Variants in NFRKB observed in about 807,000 individuals in gnomAD.
NFRKB encodes nuclear factor related to kappa-B-binding protein.
Under a neutral mutation model 135.7 loss-of-function variants are expected in NFRKB, and 62 were observed. That is an observed-to-expected ratio of 0.46 (90% CI 0.37 to 0.56). The LOEUF (loss-of-function observed/expected upper bound fraction) is 0.56, where lower values mean the gene tolerates loss of function less well. Among genes scored for constraint, NFRKB ranks in the 20% least tolerant of loss-of-function variants. The pLI is 0.00. For synonymous variants in NFRKB, 678 were observed against 635.6 expected (o/e 1.07, Z -1.00); for missense variants, 1,545 against 1,662.0 (o/e 0.93, Z 1.22).
At chr11:129,875,652 C>CTTTTT (rs761583169) in intron 17 of NFRKB, among the ~76,000 whole-genome samples, 189 bp from the exon 18 acceptor site, 26 of 101,798 alleles carry the variant, frequency 2.6e-4, no homozygotes, top group Non-Finnish European at 3.4e-4. Flanking sequence ...CTATACACTT[C>CTTTTT]TTTTTTTTTT....
chr11:129,888,430 T>C (rs1452180213), intron 4 of NFRKB, 164 bp downstream of exon 4: 1 of 761,254 alleles, frequency 1.3e-6, no homozygotes, highest in Non-Finnish European at 2.3e-6. Context: ...TTTTGTTTTT[T>C]AGAACACAGC....
At chr11:129,885,388 G>C in intron 6 of NFRKB, 47 bp downstream of exon 6, 1 of 1,558,372 alleles carries the variant, frequency 6.4e-7, no homozygotes, top group Non-Finnish European at 8.7e-7. Context: ...CAAGTGGCCG[G>C]TATCCATCCA....
chr11:129,875,323 G>T, intron 18 of NFRKB, 34 bp downstream of exon 18: 1 of 1,524,382 alleles, frequency 6.6e-7, no homozygotes, highest in Non-Finnish European at 9.0e-7. Context: ...ATCCATTCTG[G>T]AACAAAGCAA....
chr11:129,868,132 T>C (rs921654899), intron 24 of NFRKB, among the ~76,000 whole-genome samples: 23 of 152,166 alleles, frequency 1.5e-4, no homozygotes, highest in African/African-American at 4.8e-4. Flanking sequence ...TAAAGATCTG[T>C]AGAGCAAAAG....
chr11:129,884,604 T>C (rs1949184148), intron 7 of NFRKB, 141 bp downstream of exon 7: 1 of 957,064 alleles, frequency 1.0e-6, no homozygotes, highest in African/African-American at 1.6e-5. Flanking sequence ...TACAAAAACT[T>C]TGCCAAACAA....
In NFRKB at chr11:129,873,827, G is replaced by A. The variant is rs201467366; in HGVS notation, c.2468C>T (p.Pro823Leu). The A allele has an allele frequency of 3.7e-5, 59 of 1,614,148 alleles. No individual in the cohort carries two copies. The highest frequency in any genetic ancestry group is 2.5e-4 in the African/African-American group (19 of 75,052). ...TGGCATCTGTGGCAATGTCTGTGCCGGCCCTCCCGACTGCTGGGGAACAGC... is the reference window on the plus strand; with the variant it reads ...TGGCATCTGTGGCAATGTCTGTGCCAGCCCTCCCGACTGCTGGGGAACAGC... The part of the protein sequence containing the change: ...LPAVPQQSGG[P>L]AQTLPQMPAG... The change falls in exon 22 of 27, where the codon CCG (proline) becomes CTG (leucine). Residue 823 changes from proline to leucine, a missense_variant. Pro to Leu is a moderately conservative substitution (Grantham distance 98). Around this residue, in one of 3 missense-constraint regions of NFRKB, gnomAD observed 753 missense variants for 804.3 expected, o/e 0.94. Coordinates refer to ENST00000682444, the MANE Select transcript of NFRKB (RefSeq NM_001143835.2).
intron 13 of NFRKB, among the ~76,000 whole-genome samples, chr11:129,880,059 C>T (rs1317314355): frequency 2.6e-5 from 4 of 152,022 alleles, no homozygotes; most frequent in African/African-American, 9.7e-5. Context: ...TGGTTGCGTA[C>T]GCCTGTGGTC....
intron 9 of NFRKB, 86 bp from the exon 10 acceptor site, chr11:129,882,717 G>A: frequency 7.4e-7 from 1 of 1,348,904 alleles, no homozygotes; most frequent in Non-Finnish European, 1.0e-6. Flanking sequence ...CTTTTCCCAA[G>A]GCCCACCAAA....
At chr11:129,893,387 T>TAAAAAA in intron 2 of NFRKB, 1 of 5,332 alleles carries the variant, frequency 1.9e-4, no homozygotes, top group Non-Finnish European at 2.9e-4. Flanking sequence ...ACCCCTTCTC[T>TAAAAAA]ACAAAAAAAA....
At position 129,886,459 on chromosome 11, in the gene NFRKB, G is replaced by C; in HGVS notation, c.338-15C>G. 1 of 1,610,712 alleles carries C rather than the reference G, an allele frequency of 6.2e-7. No homozygotes were observed. Among genetic ancestry groups the C allele is most frequent in the Non-Finnish European group, 8.5e-7 (1 of 1,177,996 alleles). ...AAAGTGTCCGTCTTAAAAAAATAAA[G>C]GTATATATATTTACATCAATCAACA... On this transcript the variant is annotated splice_polypyrimidine_tract_variant and intron_variant, in intron 4 of 26. Transcript: ENST00000682444.
chr11:129,884,287 C>T (rs746156868), intron 7 of NFRKB, 144 bp from the exon 8 acceptor site: 36 of 800,172 alleles, frequency 4.5e-5, no homozygotes, highest in Admixed American at 8.2e-5. Flanking sequence ...GTCACAGGAT[C>T]GACACTTCCA....
Position 129,869,804 on chromosome 11 carries a change from T to C in NFRKB, c.3221A>G (p.Lys1074Arg), listed in dbSNP as rs968284449. The change falls in exon 24 of 27, where the codon AAA becomes AGA. Residue 1074 changes from lysine to arginine, a missense_variant. This residue lies in a region of NFRKB where 753 missense variants were observed against 804.3 expected (regional missense o/e 0.94). Transcript: ENST00000682444. ...LGVSVADQKG[K>R]STVASSEAKP... ...TGCTTCTGAAGAGGCCACTGTGCTT[T>C]TTCCCTTCTGGTCAGCCACACTCAC... is the stretch of plus-strand genomic sequence containing the variant. 3 of 1,614,118 alleles carry C rather than the reference T, an allele frequency of 1.9e-6. No individual in the cohort carries two copies. In the African/African-American group the frequency reaches 4.0e-5, roughly 22 times the overall value.
chr11:129,888,293 GA>G, intron 4 of NFRKB: 1 of 594,738 alleles, frequency 1.7e-6, no homozygotes, highest in Non-Finnish European at 3.0e-6. Flanking sequence ...ATTTTTTAAA[GA>G]CCAGACATGA....
intron 24 of NFRKB, among the ~76,000 whole-genome samples, chr11:129,867,080 T>C (rs1345752836): frequency 6.6e-6 from 1 of 152,180 alleles, no homozygotes; most frequent in Non-Finnish European, 1.5e-5. Context: ...GTACACTGCC[T>C]AGAATGATCC....
rs560621182 is a variant in NFRKB, at chr11:129,877,243, T to A, written c.1572+82A>T. Reference sequence around the variant, plus strand: ...AAGGTATGAGTTTCTTGCAAGAAGGTAGATGCAGGAGAGTCAGGCTCAGAG... The same window carrying A: ...AAGGTATGAGTTTCTTGCAAGAAGGAAGATGCAGGAGAGTCAGGCTCAGAG... On this transcript the variant is annotated intron_variant, in intron 16 of 26. Transcript: ENST00000682444. 48 of 1,345,128 alleles carry A rather than the reference T, an allele frequency of 3.6e-5. No homozygotes were observed. The African/African-American group carries it at 6.2e-4, about 17-fold the overall frequency. 83.3% of individuals were successfully genotyped at this position (1,345,128 alleles called of 1,614,324 possible).
Position 129,864,638 on chromosome 11 carries a change from CT to C in NFRKB, c.*86del. 1 of 1,586,280 alleles carries C rather than the reference CT, an allele frequency of 6.3e-7. No individual in the cohort carries two copies. Among genetic ancestry groups the C allele is most frequent in the Admixed American group, 1.7e-5 (1 of 59,300 alleles). ...CGCCTGGCTGCCTTGAACAGGCAAG[CT>C]TAAAACAATGATGCAACCTCCCTGG... On this transcript the variant is annotated 3_prime_UTR_variant, in exon 27 of 27. Transcript: ENST00000682444.
intron 17 of NFRKB, 34 bp from the exon 18 acceptor site, chr11:129,875,497 C>T: frequency 5.9e-6 from 9 of 1,535,892 alleles, no homozygotes; most frequent in Non-Finnish European, 8.0e-6. Context: ...GTCCACAAGT[C>T]AGGCAGGGTT....
At chr11:129,870,928 T>C (rs1591481618) in intron 23 of NFRKB, among the ~76,000 whole-genome samples, 1 of 152,080 alleles carries the variant, frequency 6.6e-6, no homozygotes, top group South Asian at 2.1e-4. Flanking sequence ...CTCCACCTAC[T>C]CCACTCCACA....
Position 129,869,085 on chromosome 11 carries a change from A to T in NFRKB, c.3531+409T>A, listed in dbSNP as rs544851387. 2.6e-5 allele frequency among the ~76,000 whole-genome samples: 4 copies of T among 152,322 alleles called. No homozygotes were observed. The East Asian group carries it at 7.7e-4, about 29-fold the overall frequency. ...AAAGTCTCTCATGGGTGTTTTTTAA[A>T]CTACGTGTACATGTATGAAAATGCT... On this transcript the variant is annotated intron_variant, in intron 24 of 26. Coordinates refer to ENST00000682444, the MANE Select transcript of NFRKB (RefSeq NM_001143835.2).
Sources: allele counts gnomAD v4.1 joint callset (sites outside exome capture counted in the v4.1 genomes callset), GRCh38; gene constraint gnomAD v4.1.1; regional missense constraint gnomAD v4.1.1; transcripts MANE v1.5; gene names NCBI Gene and HGNC (gene_info 2026-07-23, HGNC 2026-07-21).